RP1: variants seen among roughly 807,000 people sequenced by gnomAD.
The protein encoded by RP1 is oxygen-regulated protein 1.
A neutral mutation model predicts 14.8 loss-of-function variants in RP1; 16 were observed. That is an observed-to-expected ratio of 1.08 (90% CI 0.73 to 1.65). The LOEUF (loss-of-function observed/expected upper bound fraction) is 1.65. RP1 is among the 40% of genes most tolerant of loss of function. The probability of loss-of-function intolerance (pLI) is 0.00; values close to 1 mark genes in which losing one functional copy is unlikely to be tolerated. For synonymous variants in RP1, 876 were observed against 883.6 expected (o/e 0.99, Z 0.15); for missense variants, 2,631 against 2,535.0 (o/e 1.04, Z -0.81).
chr8:54,701,490 G>A (rs4737190), exon 14 of RP1: 132,174 of 1,517,996 alleles, frequency 0.087, 6,548 homozygotes, highest in Admixed American at 0.1. Context: ...TTTTAGGTTA[G>A]TGGTGAAGCC....
intron 23 of RP1, among the ~76,000 whole-genome samples, chr8:54,783,010 G>T (rs912101397): frequency 1.3e-5 from 2 of 151,984 alleles, no homozygotes; most frequent in African/African-American, 4.8e-5. Flanking sequence ...CTTACTTGTT[G>T]GTTTGTTCCA....
At chr8:54,848,197 T>G (rs1109826) in intron 25 of RP1, among the ~76,000 whole-genome samples, 53,522 of 151,978 alleles carry the variant, frequency 0.35, 9,553 homozygotes, top group Non-Finnish European at 0.38. Flanking sequence ...CAGCAAAAGT[T>G]CCTGAGTGAG....
intron 12 of RP1, among the ~76,000 whole-genome samples, chr8:54,684,814 A>G (rs535548458): frequency 2.0e-4 from 31 of 152,308 alleles, no homozygotes; most frequent in Middle Eastern, 6.8e-3. Flanking sequence ...CAGCCATAAA[A>G]AGGAATGAGA....
intron 1 of RP1, among the ~76,000 whole-genome samples, chr8:54,603,532 G>C (rs1280417355): frequency 6.6e-6 from 1 of 151,794 alleles, no homozygotes; most frequent in African/African-American, 2.4e-5. Context: ...CTCTTTTTTG[G>C]TTCCATATGA....
intron 12 of RP1, among the ~76,000 whole-genome samples, chr8:54,684,280 G>A (rs1346223838): frequency 6.6e-6 from 1 of 151,862 alleles, no homozygotes; most frequent in African/African-American, 2.4e-5. Context: ...TTCTTTTTTT[G>A]TTGTATCTCT....
intron 12 of RP1, among the ~76,000 whole-genome samples, chr8:54,698,944 G>T (rs1807942200): frequency 1.3e-5 from 2 of 152,130 alleles, no homozygotes; most frequent in Admixed American, 6.6e-5. Context: ...TGTAAATGAT[G>T]AGTTGATGGG....
At chr8:54,790,425 A>G (rs938775785) in intron 24 of RP1, among the ~76,000 whole-genome samples, 2 of 152,214 alleles carry the variant, frequency 1.3e-5, no homozygotes, top group Admixed American at 1.3e-4. Flanking sequence ...GAATATAAGG[A>G]TCACAAAGAA....
chr8:54,596,085 A>G (rs1805138934), intron 1 of RP1, among the ~76,000 whole-genome samples: 1 of 152,258 alleles, frequency 6.6e-6, no homozygotes, highest in Non-Finnish European at 1.5e-5. Flanking sequence ...TGGGATATAT[A>G]GAATGCTATT....
chr8:54,720,609 G>C (rs1280689363), intron 16 of RP1, among the ~76,000 whole-genome samples: 1 of 152,158 alleles, frequency 6.6e-6, no homozygotes, highest in Non-Finnish European at 1.5e-5. Context: ...TTTAAGGATA[G>C]CTTCATGTAC....
rs116369574 is a variant in RP1 at position 54,638,680 on chromosome 8, A to T, written c.788-10305A>T. On this transcript the variant is annotated intron_variant, in intron 3 of 22. Transcript: ENST00000636932. ...TGGTATTCTGAAATTTCACAATAATACACACTTGTATAGGGTTGGTTTGTT... is the reference window on the plus strand; with the variant it reads ...TGGTATTCTGAAATTTCACAATAATTCACACTTGTATAGGGTTGGTTTGTT... 8.3e-3 allele frequency among the ~76,000 whole-genome samples: 1,257 copies of T among 152,212 alleles called. 19 individuals are homozygous for T. The highest frequency in any genetic ancestry group is 0.028 in the African/African-American group (1,174 of 41,524).
At position 54,791,297 on chromosome 8, in the gene RP1, TGAA is replaced by T. The variant is rs1394654155; in HGVS notation, c.3615+7589_3615+7591del. On this transcript the variant is annotated intron_variant, in intron 24 of 28. Transcript: ENST00000637698. ...ATAAAGATTTCCCATCCCAAAGTGA[TGAA>T]GGAGTTCATCACTTTTACCTTCCTT... Among the ~76,000 whole-genome samples, 4 of 152,290 alleles carry T rather than the reference TGAA, an allele frequency of 2.6e-5. No homozygotes were observed. The East Asian group carries it at 7.7e-4, about 29-fold the overall frequency.
At chr8:54,828,882 CTTTTTTTTTTTTTTTTT>C (rs201534661) in intron 24 of RP1, among the ~76,000 whole-genome samples, 2 of 83,900 alleles carry the variant, frequency 2.4e-5, no homozygotes, top group African/African-American at 9.6e-5. Context: ...TCTTCTTCTT[CTTTTTTTTTTTTTTTTT>C]TTTTTTTTTT....
At chr8:54,580,330 CAG>C (rs1410662246) in intron 1 of RP1, among the ~76,000 whole-genome samples, 2 of 101,894 alleles carry the variant, frequency 2.0e-5, no homozygotes, top group Non-Finnish European at 3.6e-5. Flanking sequence ...TTTTTTGAGA[CAG>C]AGTCTCACTC....
At chr8:54,820,937 G>A (rs1359342815) in intron 24 of RP1, among the ~76,000 whole-genome samples, 1 of 152,188 alleles carries the variant, frequency 6.6e-6, no homozygotes, top group East Asian at 1.9e-4. Flanking sequence ...TCCAGGAGGA[G>A]AGAATATCCT....
intron 19 of RP1, among the ~76,000 whole-genome samples, chr8:54,747,328 A>G (rs987465490): frequency 7.9e-5 from 12 of 152,164 alleles, no homozygotes; most frequent in African/African-American, 2.9e-4. Flanking sequence ...CTCCTGCTTT[A>G]GAGGTCCTTT....
intron 19 of RP1, among the ~76,000 whole-genome samples, chr8:54,740,403 T>TAAAAAAAAAAAA (rs34753388): frequency 4.1e-4 from 33 of 80,236 alleles, no homozygotes; most frequent in African/African-American, 1.5e-3. Context: ...GCTTAAAAAG[T>TAAAAAAAAAAAA]AAAAAAAAAA....
chr8:54,795,765 C>G (rs1810563756), intron 24 of RP1, among the ~76,000 whole-genome samples: 1 of 151,984 alleles, frequency 6.6e-6, no homozygotes, highest in South Asian at 2.1e-4. Context: ...AAATTGTGAC[C>G]CATTAGCCAT....
chr8:54,623,416 A>G (rs571669892), intron 3 of RP1, among the ~76,000 whole-genome samples: 1 of 152,290 alleles, frequency 6.6e-6, no homozygotes, highest in South Asian at 2.1e-4. Flanking sequence ...TGCAACATTA[A>G]AGGGGCTTAC....
chr8:54,853,433 A>T (rs1365018596), intron 26 of RP1, among the ~76,000 whole-genome samples: 1 of 151,982 alleles, frequency 6.6e-6, no homozygotes, highest in Non-Finnish European at 1.5e-5. Flanking sequence ...GGACTGGATC[A>T]CTCTAGGACC....
Sources: allele counts gnomAD v4.1 joint callset (sites outside exome capture counted in the v4.1 genomes callset), GRCh38; gene constraint gnomAD v4.1.1; transcripts MANE v1.5; gene names NCBI Gene and HGNC (gene_info 2026-07-23, HGNC 2026-07-21).